Variants in MAPRE1 observed in about 807,000 individuals in gnomAD.
MAPRE1 encodes the protein microtubule associated protein RP/EB family member 1.
Under a neutral mutation model 32.1 loss-of-function variants are expected in MAPRE1, and 5 were observed. The ratio of observed to expected loss-of-function variants is 0.16; its 90% confidence interval spans 0.08 to 0.33. The LOEUF (loss-of-function observed/expected upper bound fraction) is 0.33, where lower values mean the gene tolerates loss of function less well. MAPRE1 is among the 10% of genes least tolerant of loss of function. The pLI is 1.00. For missense variants in MAPRE1, 209 were observed against 327.2 expected (o/e 0.64, Z 2.79); for synonymous variants, 122 against 118.9 (o/e 1.03, Z -0.17).
At chr20:32,820,063 G>T (rs1021138588) in intron 1 of MAPRE1, 35 bp downstream of exon 1, 20 of 151,484 alleles carry the variant, frequency 1.3e-4, no homozygotes, top group Middle Eastern at 3.4e-3. Flanking sequence ...GGTGCGGCTG[G>T]GGGGGCGGCC....
At chr20:32,827,704 G>A (rs1187719535) in intron 2 of MAPRE1, among the ~76,000 whole-genome samples, 1 of 151,926 alleles carries the variant, frequency 6.6e-6, no homozygotes, top group African/African-American at 2.4e-5. Flanking sequence ...AGACCAGCCT[G>A]GCCAACATAG....
chr20:32,835,364 G>GTTTTT (rs71190879), intron 3 of MAPRE1, among the ~76,000 whole-genome samples: 34,879 of 105,760 alleles, frequency 0.33, 7,288 homozygotes, highest in East Asian at 0.7. Flanking sequence ...TTTTATTGGT[G>GTTTTT]TTTTTTTTTT....
rs574357473 is a variant in MAPRE1, at chr20:32,841,524, G to T, written c.597+1668G>T. Among the ~76,000 whole-genome samples the T allele has an allele frequency of 4.6e-5, 7 of 151,332 alleles. No homozygotes were observed. The East Asian group carries it at 1.4e-3, about 29-fold the overall frequency. On this transcript the variant is annotated intron_variant, in intron 5 of 6. Transcript: ENST00000375571. ...GTACATGTGTACAACGTGCAGGTTA[G>T]TTACATATGTATACATGTGCCATGC...
chr20:32,821,738 T>C (rs1364062167), intron 1 of MAPRE1, among the ~76,000 whole-genome samples: 1 of 152,196 alleles, frequency 6.6e-6, no homozygotes, highest in Non-Finnish European at 1.5e-5. Flanking sequence ...TAGGGCTTAT[T>C]GTGGTGCCTT....
chr20:32,847,788 C>T (rs1332132630), intron 6 of MAPRE1, among the ~76,000 whole-genome samples: 1 of 152,128 alleles, frequency 6.6e-6, no homozygotes, highest in Non-Finnish European at 1.5e-5. Flanking sequence ...TAATTTCCTG[C>T]TCTGAGTCCA....
intron 2 of MAPRE1, among the ~76,000 whole-genome samples, chr20:32,826,966 AT>A (rs1044325089): frequency 3.9e-5 from 6 of 152,186 alleles, no homozygotes; most frequent in Admixed American, 1.3e-4. Context: ...GAGGACAGTA[AT>A]TGTATTAACT....
intron 1 of MAPRE1, among the ~76,000 whole-genome samples, chr20:32,825,169 A>T (rs1476871803): frequency 1.3e-5 from 2 of 150,600 alleles, no homozygotes; most frequent in African/African-American, 4.9e-5. Context: ...AAAAAAAGAA[A>T]GAAACAAACA....
chr20:32,842,439 A>G (rs1462461027), intron 5 of MAPRE1, among the ~76,000 whole-genome samples: 1 of 152,168 alleles, frequency 6.6e-6, no homozygotes, highest in East Asian at 1.9e-4. Flanking sequence ...ACTTAATTTC[A>G]CTTTCGCAGC....
At chr20:32,832,807 CTTTTT>C (rs35277682) in intron 2 of MAPRE1, among the ~76,000 whole-genome samples, 933 of 58,810 alleles carry the variant, frequency 0.016, 7 homozygotes, top group African/African-American at 0.068. Context: ...CAGAGTTTCG[CTTTTT>C]TTTTTTTTTT....
At chr20:32,826,383 A>AT (rs1344685323) in intron 2 of MAPRE1, among the ~76,000 whole-genome samples, 1 of 149,708 alleles carries the variant, frequency 6.7e-6, no homozygotes, top group African/African-American at 2.5e-5. Flanking sequence ...CGCCTGGCTA[A>AT]TTTTTTTGTA....
At chr20:32,821,107 C>G (rs535195382) in intron 1 of MAPRE1, among the ~76,000 whole-genome samples, 5 of 151,942 alleles carry the variant, frequency 3.3e-5, no homozygotes, top group African/African-American at 1.2e-4. Flanking sequence ...CCTCCGCCTC[C>G]CGGGTTCAAG....
At position 32,833,878 on chromosome 20, in the gene MAPRE1, C is replaced by T. The variant is rs530772987; in HGVS notation, c.267+16C>T. 16 of 1,606,740 alleles carry T rather than the reference C, an allele frequency of 1.0e-5. No individual in the cohort carries two copies. The South Asian group carries it at 1.7e-4, about 17-fold the overall frequency. On this transcript the variant is annotated intron_variant, in intron 3 of 6. Transcript: ENST00000375571. ...TGTTGACAAAGTAAGTAAACGTTAT[C>T]TTTTATTGTGGTTAATGTTCCTTAA...
intron 4 of MAPRE1, among the ~76,000 whole-genome samples, chr20:32,837,241 C>T (rs1440155666): frequency 6.6e-6 from 1 of 152,156 alleles, no homozygotes; most frequent in Non-Finnish European, 1.5e-5. Context: ...GAAGTTATAC[C>T]AGAGCTGAAC....
intron 2 of MAPRE1, among the ~76,000 whole-genome samples, chr20:32,829,958 T>A (rs1413151054): frequency 6.6e-6 from 1 of 151,754 alleles, no homozygotes. Context: ...ATGATTTTTA[T>A]GAGAGCTTTT....
At chr20:32,844,439 C>CTTTTTT (rs71190880) in intron 5 of MAPRE1, among the ~76,000 whole-genome samples, 1,587 of 52,118 alleles carry the variant, frequency 0.03, 395 homozygotes, top group East Asian at 0.12. Flanking sequence ...GCTAGCATTC[C>CTTTTTT]TTTTTTTTTT....
At chr20:32,846,396 A>AG (rs1983505806) in intron 5 of MAPRE1, among the ~76,000 whole-genome samples, 1 of 152,188 alleles carries the variant, frequency 6.6e-6, no homozygotes, top group Non-Finnish European at 1.5e-5. Flanking sequence ...ACATGTTTCA[A>AG]GGGGTAGTCT....
chr20:32,823,590 T>C (rs930949673), intron 1 of MAPRE1, among the ~76,000 whole-genome samples: 3 of 152,218 alleles, frequency 2.0e-5, no homozygotes, highest in Non-Finnish European at 2.9e-5. Flanking sequence ...CAAACTGTAA[T>C]GAGAGCAAGA....
At position 32,839,622 on chromosome 20, in the gene MAPRE1, A is replaced by G. The variant is rs1008647722; in HGVS notation, c.476-113A>G. 37 of 1,434,808 alleles carry G rather than the reference A, an allele frequency of 2.6e-5. No individual in the cohort carries two copies. In the African/African-American group the frequency reaches 4.7e-4, roughly 18 times the overall value. 88.9% of individuals were successfully genotyped at this position (1,434,808 alleles called of 1,614,324 possible). ...GGGCTCTCTAGCATTGGTTCCCTTCACTGAACACCTGTGCAAGGCAGATGG... is the reference window on the plus strand; with the variant it reads ...GGGCTCTCTAGCATTGGTTCCCTTCGCTGAACACCTGTGCAAGGCAGATGG... On this transcript the variant is annotated intron_variant, in intron 4 of 6. Transcript: ENST00000375571.
At chr20:32,830,739 C>CTTT (rs5841119) in intron 2 of MAPRE1, among the ~76,000 whole-genome samples, 4 of 141,864 alleles carry the variant, frequency 2.8e-5, no homozygotes, top group East Asian at 4.2e-4. Context: ...TCTCTTCAAA[C>CTTT]TTTTTTTTTT....
Sources: gnomAD v4.1 joint callset for allele counts (sites outside exome capture counted in the v4.1 genomes callset) on GRCh38, gnomAD v4.1.1 for gene constraint, MANE v1.5 for transcripts, NCBI Gene and HGNC (gene_info 2026-07-23, HGNC 2026-07-21) for gene names.